BABAM2: variants seen among roughly 807,000 people sequenced by gnomAD.
BABAM2 encodes BRISC and BRCA1-A complex member 2.
Under a neutral mutation model 54.7 loss-of-function variants are expected in BABAM2, and 31 were observed. The ratio of observed to expected loss-of-function variants is 0.57; its 90% CI spans 0.43 to 0.77. The LOEUF (loss-of-function observed/expected upper bound fraction) is 0.77. BABAM2 is among the 30% of genes least tolerant of loss of function. The pLI, the probability that BABAM2 is intolerant of heterozygous loss-of-function variation, is 0.00. For missense variants in BABAM2, 364 were observed against 455.8 expected, an observed-to-expected ratio of 0.80 and a Z score of 1.83; for synonymous variants, 167 against 162.9, an observed-to-expected ratio of 1.03 and a Z score of -0.19.
chr2:27,937,339 G>A (rs1668558852), intron 3 of BABAM2, among the ~76,000 whole-genome samples: 2 of 152,192 alleles, frequency 1.3e-5, no homozygotes, highest in Admixed American at 1.3e-4. Context: ...TGTTGGCCAG[G>A]CTGGTCTCAA....
intron 4 of BABAM2, among the ~76,000 whole-genome samples, chr2:28,005,921 T>C (rs1216638051): frequency 1.3e-5 from 2 of 152,056 alleles, no homozygotes; most frequent in African/African-American, 2.4e-5. Context: ...TATGCAAAAA[T>C]ATAAATCTTT....
chr2:28,054,010 T>C (rs1001695887), intron 6 of BABAM2, among the ~76,000 whole-genome samples: 5 of 152,140 alleles, frequency 3.3e-5, no homozygotes, highest in African/African-American at 1.2e-4. Flanking sequence ...AATTAAAAAA[T>C]ATGAATTTCT....
chr2:28,126,249 C>T (rs1184621712), intron 6 of BABAM2, among the ~76,000 whole-genome samples: 6 of 150,216 alleles, frequency 4.0e-5, no homozygotes, highest in Non-Finnish European at 8.9e-5. Flanking sequence ...CCCATTAACT[C>T]GTCATTTAGC....
chr2:28,297,934 G>A (rs1558510111), intron 10 of BABAM2, among the ~76,000 whole-genome samples: 2 of 152,154 alleles, frequency 1.3e-5, no homozygotes, highest in Non-Finnish European at 2.9e-5. Context: ...AAGAGTTTAT[G>A]TTATAATAGA....
At chr2:28,026,777 A>T (rs1199043787) in intron 5 of BABAM2, among the ~76,000 whole-genome samples, 45 of 103,838 alleles carry the variant, frequency 4.3e-4, no homozygotes, top group Middle Eastern at 4.4e-3. Flanking sequence ...AAATATATAA[A>T]AAAATATAAA....
intron 10 of BABAM2, among the ~76,000 whole-genome samples, chr2:28,291,709 G>C (rs960432703): frequency 2.0e-5 from 3 of 152,214 alleles, no homozygotes; most frequent in Non-Finnish European, 2.9e-5. Context: ...AGTCTTTCTT[G>C]TCACTTAAAA....
chr2:28,327,593 TC>T, intron 11 of BABAM2: 1 of 955,638 alleles, frequency 1.0e-6, no homozygotes, highest in South Asian at 2.1e-5. Flanking sequence ...GAGACCACAG[TC>T]AGCCTTCTCA....
chr2:28,283,548 G>T (rs146616403), intron 10 of BABAM2, among the ~76,000 whole-genome samples: 11 of 152,256 alleles, frequency 7.2e-5, no homozygotes, highest in African/African-American at 2.6e-4. Flanking sequence ...TGTTTTGTTT[G>T]TTTGTTTACT....
chr2:28,232,603 A>G (rs1681512962), intron 7 of BABAM2, among the ~76,000 whole-genome samples: 1 of 152,256 alleles, frequency 6.6e-6, no homozygotes, highest in African/African-American at 2.4e-5. Flanking sequence ...TCTAGGCTAC[A>G]AACATACACA....
chr2:28,247,905 C>T (rs191925512), intron 10 of BABAM2, among the ~76,000 whole-genome samples: 1 of 152,320 alleles, frequency 6.6e-6, no homozygotes, highest in Admixed American at 6.5e-5. Flanking sequence ...GGAGGTACTG[C>T]AACATCCTGG....
intron 10 of BABAM2, among the ~76,000 whole-genome samples, chr2:28,289,266 A>G (rs532149068): frequency 6.6e-6 from 1 of 152,284 alleles, no homozygotes; most frequent in South Asian, 2.1e-4. Flanking sequence ...GTATATATCC[A>G]TAAAAATATA....
intron 4 of BABAM2, among the ~76,000 whole-genome samples, chr2:27,991,104 G>A (rs886776721): frequency 2.0e-5 from 3 of 152,096 alleles, no homozygotes; most frequent in African/African-American, 7.2e-5. Context: ...TAATGGTTCA[G>A]TGGTTCCCAA....
chr2:28,084,122 G>A (rs1285153440), intron 6 of BABAM2, among the ~76,000 whole-genome samples: 1 of 152,078 alleles, frequency 6.6e-6, no homozygotes, highest in East Asian at 1.9e-4. Context: ...AGTTCCTGTT[G>A]TACACATGGA....
chr2:28,278,232 G>A (rs1232344694), intron 10 of BABAM2, among the ~76,000 whole-genome samples: 3 of 152,204 alleles, frequency 2.0e-5, no homozygotes, highest in Non-Finnish European at 2.9e-5. Context: ...GAACAGGGAT[G>A]TGGCATTTTC....
intron 6 of BABAM2, among the ~76,000 whole-genome samples, chr2:28,100,462 C>CAAAA (rs34217491): frequency 3.3e-5 from 3 of 89,604 alleles, no homozygotes; most frequent in Admixed American, 1.4e-4. Context: ...ACTCTGTCTC[C>CAAAA]AAAAAAAAAA....
intron 7 of BABAM2, among the ~76,000 whole-genome samples, chr2:28,185,447 C>T (rs921127896): frequency 2.6e-5 from 4 of 152,166 alleles, no homozygotes; most frequent in Non-Finnish European, 5.9e-5. Flanking sequence ...ATCCAGATTG[C>T]ACGTCTGCCA....
intron 6 of BABAM2, among the ~76,000 whole-genome samples, chr2:28,107,101 C>T (rs374182377): frequency 2.6e-5 from 4 of 152,234 alleles, no homozygotes; most frequent in African/African-American, 9.6e-5. Context: ...ATCCATCCCC[C>T]TTTATGTAAC....
Position 28,085,649 on chromosome 2 carries a change from T to A in BABAM2, c.570+39850T>A, listed in dbSNP as rs568828096. 2.6e-5 allele frequency among the ~76,000 whole-genome samples: 4 copies of A among 152,298 alleles called. No individual in the cohort carries two copies. In the South Asian group the frequency reaches 8.3e-4, roughly 32 times the overall value. ...CTCTAAAATTTAAGATTTTTAGCCA[T>A]ACATGATTCAGTTTATTTCTCGTGT... On this transcript the variant is annotated intron_variant, in intron 6 of 11. Coordinates refer to ENST00000379624, the MANE Select transcript of BABAM2 (RefSeq NM_199191.3).
At chr2:28,244,367 T>C (rs936108675) in intron 9 of BABAM2, among the ~76,000 whole-genome samples, 2 of 152,218 alleles carry the variant, frequency 1.3e-5, no homozygotes, top group Admixed American at 1.3e-4. Context: ...ACATTTGGCA[T>C]TGTAGTGTCA....
Sources: allele counts gnomAD v4.1 joint callset (sites outside exome capture counted in the v4.1 genomes callset), GRCh38; gene constraint gnomAD v4.1.1; transcripts MANE v1.5; gene names NCBI Gene and HGNC (gene_info 2026-07-23, HGNC 2026-07-21).